The following TRPM7 variants were observed in gnomAD, a reference collection of about 807,000 sequenced individuals.
TRPM7 encodes the protein transient receptor potential cation channel subfamily M member 7, also known as LTRPC ion channel family member 7.
In TRPM7, 134 loss-of-function variants were observed where a neutral mutation model predicts 229.7. That is an observed-to-expected ratio of 0.58 (90% confidence interval 0.51 to 0.67). TRPM7 has a LOEUF of 0.67. TRPM7 is among the 30% of genes least tolerant of loss of function. TRPM7 has a pLI of 0.00. For missense variants in TRPM7, 1,901 were observed against 2,210.0 expected, an observed-to-expected ratio of 0.86 and a Z score of 2.80; for synonymous variants, 699 against 715.2, an observed-to-expected ratio of 0.98 and a Z score of 0.36.
chr15:50,566,917 C>G (rs2053623430), intron 38 of TRPM7, among the ~76,000 whole-genome samples: 1 of 151,892 alleles, frequency 6.6e-6, no homozygotes, highest in Admixed American at 6.6e-5. Flanking sequence ...CCAGGCTGAT[C>G]AAGAAACAAA....
Position 50,613,726 on chromosome 15 carries a change from G to A in TRPM7, c.1751C>T (p.Ala584Val). Residue 584 changes from alanine to valine, a missense_variant, in exon 15 of 39, where the codon GCA (alanine) becomes GTA (valine). Ala to Val is a moderately conservative substitution (Grantham distance 64). Transcript: ENST00000646667. ...KMRHNHFIKT[A>V]QPYRPKIDTV... ...ATTTACCTTTGGTCGGTAGGGCTGT[G>A]CTGTCTTAATGAAATGGTTATGCCT... 6.2e-7 allele frequency: 1 copy of A among 1,607,598 alleles called. No individual in the cohort carries two copies. Among genetic ancestry groups the A allele is most frequent in the East Asian group, 2.2e-5 (1 of 44,588 alleles).
At chr15:50,593,024 C>A (rs1005684774) in intron 25 of TRPM7, among the ~76,000 whole-genome samples, 5 of 152,160 alleles carry the variant, frequency 3.3e-5, no homozygotes, top group Non-Finnish European at 5.9e-5. Flanking sequence ...GGCACAGTGG[C>A]TCACGTCTGT....
intron 19 of TRPM7, 92 bp from the exon 20 acceptor site, chr15:50,607,420 T>C: frequency 9.5e-7 from 1 of 1,051,148 alleles, no homozygotes; most frequent in East Asian, 2.6e-5. Flanking sequence ...AAAACAGACA[T>C]TAAATGAACC....
rs180768778 is a variant in TRPM7, at chr15:50,584,088, C to T, written c.4487-929G>A. On this transcript the variant is annotated intron_variant, in intron 28 of 38. Transcript: ENST00000646667. ...CCTTTGTTGTCATATCTTATTTATC[C>T]GAAATGAACTTTAGAATTAAGCCTA... Among the ~76,000 whole-genome samples, 40 of 152,106 alleles carry T rather than the reference C, an allele frequency of 2.6e-4. No individual in the cohort carries two copies. In the East Asian group the frequency reaches 7.0e-3, roughly 26 times the overall value.
chr15:50,578,624 A>G lies in TRPM7; in HGVS notation c.4618+15T>C. 1.2e-6 allele frequency: 2 copies of G among 1,609,574 alleles called. No homozygotes were observed. Among genetic ancestry groups the G allele is most frequent in the Non-Finnish European group, 1.7e-6 (2 of 1,177,110 alleles). On this transcript the variant is annotated intron_variant, in intron 31 of 38. Transcript: ENST00000646667. ...TTCTCATTTTTTTCACGTTCAATCT[A>G]CCACACAGACTCACCATTTAATGTT...
chr15:50,683,809 ATG>A (rs1358840034), intron 1 of TRPM7, among the ~76,000 whole-genome samples: 1 of 152,212 alleles, frequency 6.6e-6, no homozygotes, highest in Non-Finnish European at 1.5e-5. Flanking sequence ...TCTTAATGTA[ATG>A]CAACAGAAAG....
At chr15:50,569,275 A>G (rs1211181834) in intron 38 of TRPM7, among the ~76,000 whole-genome samples, 8 of 152,158 alleles carry the variant, frequency 5.3e-5, no homozygotes, top group Admixed American at 5.2e-4. Context: ...TTGTGCTTTA[A>G]CTAACAATTA....
rs549244151 is a variant in TRPM7, at chr15:50,557,191, C to T, written c.*4487G>A. 1.3e-5 allele frequency: 2 copies of T among 152,304 alleles called. No homozygotes were observed. Among genetic ancestry groups the T allele is most frequent in the African/African-American group, 4.8e-5 (2 of 41,554 alleles). The allele number at this position is 152,304 out of a possible 1,614,324, so 9.4% of individuals were successfully genotyped here. On this transcript the variant is annotated 3_prime_UTR_variant, in exon 39 of 39. Transcript: ENST00000646667. ...GGTAAATAGCCATTTATTGAGTATT[C>T]TTGCTTTGATTGTCTACGTAAGCAT...
intron 26 of TRPM7, 73 bp downstream of exon 26, chr15:50,591,838 G>A (rs1403888582): frequency 1.8e-6 from 2 of 1,093,860 alleles, no homozygotes; most frequent in African/African-American, 1.6e-5. Flanking sequence ...ACTTGTAACA[G>A]TACATATTTC....
At chr15:50,670,886 T>C (rs1250253590) in intron 1 of TRPM7, among the ~76,000 whole-genome samples, 2 of 151,832 alleles carry the variant, frequency 1.3e-5, no homozygotes, top group East Asian at 1.9e-4. Context: ...CAAAACATAT[T>C]AAGTAGGCCA....
intron 3 of TRPM7, among the ~76,000 whole-genome samples, chr15:50,652,964 C>A (rs1447577018): frequency 6.6e-6 from 1 of 152,154 alleles, no homozygotes; most frequent in Admixed American, 6.5e-5. Flanking sequence ...GAGTCAAGAC[C>A]AGCCTGACAA....
At chr15:50,563,314 A>C (rs1364084873) in intron 38 of TRPM7, among the ~76,000 whole-genome samples, 1 of 152,204 alleles carries the variant, frequency 6.6e-6, no homozygotes, top group African/African-American at 2.4e-5. Context: ...TCATTTATAC[A>C]TCATAGATAC....
At chr15:50,655,510 C>G (rs1055172852) in intron 3 of TRPM7, among the ~76,000 whole-genome samples, 6 of 149,374 alleles carry the variant, frequency 4.0e-5, no homozygotes, top group Non-Finnish European at 8.9e-5. Context: ...TTTACGCAAG[C>G]AGAATAAGTA....
intron 27 of TRPM7, 88 bp downstream of exon 27, chr15:50,589,504 C>T (rs1340382350): frequency 1.1e-6 from 1 of 928,434 alleles, no homozygotes; most frequent in Non-Finnish European, 1.7e-6. Context: ...TGTATTTTTG[C>T]TGAAAAAATG....
intron 10 of TRPM7, among the ~76,000 whole-genome samples, chr15:50,630,222 T>C (rs904082881): frequency 4.8e-5 from 7 of 144,902 alleles, no homozygotes; most frequent in Non-Finnish European, 1.1e-4. Flanking sequence ...GTTTCTAGGT[T>C]TCCTATCACT....
At chr15:50,565,941 G>C (rs373076543) in intron 38 of TRPM7, among the ~76,000 whole-genome samples, 2 of 151,312 alleles carry the variant, frequency 1.3e-5, no homozygotes, top group African/African-American at 4.9e-5. Context: ...CTCCTGCCTT[G>C]GCTTACTGAG....
At position 50,592,458 on chromosome 15, in the gene TRPM7, T is replaced by C. The variant is rs937679508; in HGVS notation, c.3777A>G (p.Lys1259=). ...GTTCTCGTGTGATTTCATTATGAAC[T>C]TTGCTAGCTTCCGACGCTTTCTGGG... The part of the protein sequence containing the change: ...LTAQKASEAS[K]VHNEITRELS... The change falls in exon 26 of 39, where the codon AAA becomes AAG. Residue 1259 remains lysine, a synonymous_variant. Coordinates refer to ENST00000646667, the MANE Select transcript of TRPM7 (RefSeq NM_017672.6). 6.2e-7 allele frequency: 1 copy of C among 1,614,174 alleles called. No individual in the cohort carries two copies. The highest frequency in any genetic ancestry group is 8.5e-7 in the Non-Finnish European group (1 of 1,180,022).
chr15:50,649,048 C>T (rs965876334), intron 3 of TRPM7, among the ~76,000 whole-genome samples, 163 bp from the exon 4 acceptor site: 1 of 151,730 alleles, frequency 6.6e-6, no homozygotes, highest in African/African-American at 2.4e-5. Context: ...TATATTAATA[C>T]CTTCATCATA....
At chr15:50,585,526 T>C (rs960498636) in intron 28 of TRPM7, among the ~76,000 whole-genome samples, 1 of 152,250 alleles carries the variant, frequency 6.6e-6, no homozygotes, top group Non-Finnish European at 1.5e-5. Flanking sequence ...AGATTAAGAA[T>C]GAATACTGAA....
Sources: gnomAD v4.1 joint callset for allele counts (sites outside exome capture counted in the v4.1 genomes callset) on GRCh38, gnomAD v4.1.1 for gene constraint, MANE v1.5 for transcripts, NCBI Gene and HGNC (gene_info 2026-07-23, HGNC 2026-07-21) for gene names.